Variants in SRPK2 observed in about 807,000 individuals in gnomAD.
SRPK2 encodes the protein SRSF protein kinase 2.
Under a neutral mutation model 90.8 loss-of-function variants are expected in SRPK2, and 21 were observed. The observed-to-expected ratio is 0.23, with a 90% confidence interval of 0.16 to 0.33. The LOEUF (loss-of-function observed/expected upper bound fraction) is 0.33, where lower values mean the gene tolerates loss of function less well. SRPK2 is among the 10% of genes least tolerant of loss of function. The probability of loss-of-function intolerance (pLI) is 1.00; values close to 1 mark genes in which losing one functional copy is unlikely to be tolerated. For missense variants in SRPK2, 620 were observed against 869.0 expected (o/e 0.71, Z 3.60); for synonymous variants, 288 against 311.1 (o/e 0.93, Z 0.78).
At chr7:105,177,265 A>G (rs1467412969) in intron 3 of SRPK2, among the ~76,000 whole-genome samples, 1 of 152,194 alleles carries the variant, frequency 6.6e-6, no homozygotes, top group Non-Finnish European at 1.5e-5. Context: ...GCTATTATGT[A>G]TGCACTAACC....
At chr7:105,211,689 C>T (rs1035715889) in intron 2 of SRPK2, among the ~76,000 whole-genome samples, 1 of 152,184 alleles carries the variant, frequency 6.6e-6, no homozygotes, top group Non-Finnish European at 1.5e-5. Context: ...CAGGTACCAC[C>T]TCCAACATTC....
chr7:105,132,949 G>C, intron 12 of SRPK2, 51 bp from the exon 13 acceptor site: 1 of 1,612,200 alleles, frequency 6.2e-7, no homozygotes, highest in Non-Finnish European at 8.5e-7. Context: ...CATTCAAAAA[G>C]TGTCTTCGCA....
At chr7:105,182,725 C>T (rs939932406) in intron 3 of SRPK2, among the ~76,000 whole-genome samples, 2 of 152,174 alleles carry the variant, frequency 1.3e-5, no homozygotes, top group African/African-American at 2.4e-5. Context: ...GCCTTGGCCT[C>T]CCAAAGTGCT....
intron 6 of SRPK2, among the ~76,000 whole-genome samples, chr7:105,163,903 A>G (rs1808106300): frequency 6.6e-6 from 1 of 152,222 alleles, no homozygotes; most frequent in Non-Finnish European, 1.5e-5. Context: ...GGTTCAACTT[A>G]TGCAATTCCA....
At chr7:105,157,085 G>A (rs1806609127) in intron 7 of SRPK2, among the ~76,000 whole-genome samples, 1 of 152,174 alleles carries the variant, frequency 6.6e-6, no homozygotes, top group South Asian at 2.1e-4. Context: ...GGAATTGGAT[G>A]GGCTGTATGC....
intron 2 of SRPK2, among the ~76,000 whole-genome samples, chr7:105,344,407 C>CTTTTT (rs1178845367): frequency 3.4e-5 from 2 of 58,458 alleles, no homozygotes; most frequent in Non-Finnish European, 6.4e-5. Context: ...GCAGCCACAC[C>CTTTTT]TTTTTTTTTT....
At chr7:105,207,911 C>T (rs922450157) in intron 2 of SRPK2, among the ~76,000 whole-genome samples, 1 of 152,080 alleles carries the variant, frequency 6.6e-6, no homozygotes, top group Admixed American at 6.5e-5. Context: ...TGATAAGTGA[C>T]TTGTATCTAG....
intron 3 of SRPK2, among the ~76,000 whole-genome samples, chr7:105,171,921 C>A (rs927299940): frequency 2.6e-5 from 4 of 151,614 alleles, no homozygotes; most frequent in Non-Finnish European, 5.9e-5. Context: ...TTTTTGAGAC[C>A]GAGTTTCGCT....
chr7:105,353,675 T>C (rs10272236), intron 2 of SRPK2, among the ~76,000 whole-genome samples: 341 of 152,188 alleles, frequency 2.2e-3, no homozygotes, highest in African/African-American at 7.7e-3. Context: ...CAGGCCCATG[T>C]TCCTGAATGC....
chr7:105,351,079 C>A (rs535204264), intron 2 of SRPK2, among the ~76,000 whole-genome samples: 1 of 152,074 alleles, frequency 6.6e-6, no homozygotes, highest in Admixed American at 6.6e-5. Flanking sequence ...TGTGTCATGA[C>A]GGTTCTGCCC....
intron 2 of SRPK2, among the ~76,000 whole-genome samples, chr7:105,373,559 C>T (rs916239276): frequency 1.3e-5 from 2 of 151,926 alleles, no homozygotes; most frequent in African/African-American, 4.8e-5. Context: ...TGCACCACCA[C>T]ATCCAGCTGA....
intron 3 of SRPK2, among the ~76,000 whole-genome samples, chr7:105,190,353 G>A (rs1193000702): frequency 6.6e-6 from 1 of 152,150 alleles, no homozygotes; most frequent in African/African-American, 2.4e-5. Context: ...GTCCACTCTA[G>A]GTCAAAATGA....
intron 7 of SRPK2, among the ~76,000 whole-genome samples, chr7:105,155,205 C>T (rs984783767): frequency 6.6e-6 from 1 of 151,960 alleles, no homozygotes; most frequent in Non-Finnish European, 1.5e-5. Flanking sequence ...TGGTCTTGAA[C>T]TCCTGACTTC....
In SRPK2 at chr7:105,142,147, C is replaced by A. The variant is rs1466770016; in HGVS notation, c.1404G>T (p.Leu468Phe). 1 of 1,614,060 alleles carries A rather than the reference C, an allele frequency of 6.2e-7. No individual in the cohort carries two copies. The highest frequency in any genetic ancestry group is 1.3e-5 in the African/African-American group (1 of 74,932). ...ESQFPEFSTS[L>F]FSGSLEPVAC... is the part of the protein sequence containing the mutation. ...CCACAGGTTCTAAGGATCCAGAGAACAACGAGGTGGAAAACTCTGGGAACT... is the reference window on the plus strand; with the variant it reads ...CCACAGGTTCTAAGGATCCAGAGAAAAACGAGGTGGAAAACTCTGGGAACT... Residue 468 changes from leucine (L) to phenylalanine (F), a missense_variant, in exon 11 of 16, where the codon TTG (leucine) becomes TTT (phenylalanine). This residue lies in a region of SRPK2 where 243 missense variants were observed against 245.7 expected (regional missense o/e 0.99). Transcript: ENST00000393651.
intron 2 of SRPK2, among the ~76,000 whole-genome samples, chr7:105,380,983 G>T (rs1186197829): frequency 6.7e-6 from 1 of 150,262 alleles, no homozygotes. Context: ...GCTGGGCCAG[G>T]GGCAGTAGCT....
chr7:105,322,237 T>C (rs1202684376), intron 2 of SRPK2, among the ~76,000 whole-genome samples: 2 of 152,014 alleles, frequency 1.3e-5, no homozygotes, highest in East Asian at 3.9e-4. Context: ...CAACATGTTG[T>C]GGAATCCCAC....
At position 105,163,788 on chromosome 7, in the gene SRPK2, G is replaced by A. The variant is rs187308636; in HGVS notation, c.515-3175C>T. ...ACTGCACCATTGCACTCCAGCCTGC[G>A]CAACAAGAGCAAAATTCCATCTCAA... On this transcript the variant is annotated intron_variant, in intron 6 of 15. Coordinates refer to ENST00000393651, the MANE Select transcript of SRPK2 (RefSeq NM_182692.3). Among the ~76,000 whole-genome samples the A allele has an allele frequency of 5.3e-5, 8 of 152,172 alleles. No individual in the cohort carries two copies. The East Asian group carries it at 1.5e-3, about 29-fold the overall frequency.
In SRPK2 at chr7:105,297,585, C is replaced by T. The variant is rs547372419; in HGVS notation, c.71+91063G>A. The T allele has an allele frequency of 5.4e-5, 39 of 725,756 alleles. 1 individual carries two copies. In the South Asian group the frequency reaches 8.6e-4, roughly 16 times the overall value. The allele number at this position is 725,756 out of a possible 1,614,324, so 45.0% of individuals were successfully genotyped here. On this transcript the variant is annotated intron_variant, in intron 2 of 15. Transcript: ENST00000393651. ...CCATTTTAGACATACAGAAGGTCCA[C>T]GCTACAATTACCTAAAAGGTCTTCC...
intron 15 of SRPK2, among the ~76,000 whole-genome samples, chr7:105,121,196 T>C (rs1800304367): frequency 6.6e-6 from 1 of 151,700 alleles, no homozygotes; most frequent in Non-Finnish European, 1.5e-5. Flanking sequence ...AAATACAAAA[T>C]TGGCCAGGCG....
Sources: gnomAD v4.1 joint callset for allele counts (sites outside exome capture counted in the v4.1 genomes callset) on GRCh38, gnomAD v4.1.1 for gene constraint, gnomAD v4.1.1 regional missense constraint, MANE v1.5 for transcripts, NCBI Gene and HGNC (gene_info 2026-07-23, HGNC 2026-07-21) for gene names.